NEK5: variants seen among roughly 807,000 people sequenced by gnomAD.
The protein encoded by NEK5 is serine/threonine-protein kinase Nek5.
Under a neutral mutation model 109.2 loss-of-function variants are expected in NEK5, and 88 were observed. That is an observed-to-expected ratio of 0.81 (90% CI 0.68 to 0.96). The LOEUF (loss-of-function observed/expected upper bound fraction) is 0.96. Among genes scored for constraint, NEK5 ranks in the 40% least tolerant of loss-of-function variants. The pLI, the probability that NEK5 is intolerant of heterozygous loss-of-function variation, is 0.00. For missense variants in NEK5, 834 were observed against 920.7 expected (o/e 0.91, Z 1.22); for synonymous variants, 283 against 299.9 (o/e 0.94, Z 0.58).
chr13:52,117,001 C>A (rs1392008447), intron 4 of NEK5, among the ~76,000 whole-genome samples: 2 of 152,092 alleles, frequency 1.3e-5, no homozygotes, highest in South Asian at 4.1e-4. Flanking sequence ...TCACTGCAAC[C>A]TCTGCCTCCC....
At chr13:52,108,428 A>G (rs1451090743) in intron 7 of NEK5, 24 bp from the exon 8 acceptor site, 3 of 1,416,638 alleles carry the variant, frequency 2.1e-6, no homozygotes, top group Non-Finnish European at 3.0e-6. Context: ...TTAAATAATA[A>G]ATCAGCATGA....
rs1955739634 is a variant in NEK5 at position 52,110,594 on chromosome 13, A to C, written c.313-17T>G. 1 of 1,546,730 alleles carries C rather than the reference A, an allele frequency of 6.5e-7. No homozygotes were observed. Among genetic ancestry groups the C allele is most frequent in the East Asian group, 2.3e-5 (1 of 44,266 alleles). On this transcript the variant is annotated splice_polypyrimidine_tract_variant and intron_variant, in intron 5 of 23. Transcript: ENST00000684899. ...ACCGAGGATCTATAGAGAGAACACA[A>C]AACAAAGCCACTGAATAGCCTGGTA...
intron 13 of NEK5, 126 bp from the exon 14 acceptor site, chr13:52,089,439 A>G: frequency 1.6e-6 from 1 of 619,212 alleles, no homozygotes; most frequent in Non-Finnish European, 2.9e-6. Context: ...TCCAAGTTCA[A>G]GAAGTAGTTC....
At chr13:52,118,389 T>C (rs958933060) in intron 4 of NEK5, among the ~76,000 whole-genome samples, 1 of 152,166 alleles carries the variant, frequency 6.6e-6, no homozygotes, top group Admixed American at 6.5e-5. Context: ...TGTCTATCTC[T>C]TCCCACTAGA....
intron 23 of NEK5, among the ~76,000 whole-genome samples, chr13:52,037,711 C>T (rs2140871883): frequency 6.6e-6 from 1 of 152,230 alleles, no homozygotes; most frequent in African/African-American, 2.4e-5. Context: ...ATCACGAGGT[C>T]AGGAGATCGA....
rs1954364945 is a variant in NEK5 at position 52,036,827 on chromosome 13, AATT to A, written c.*118_*120del. The A allele has an allele frequency of 5.6e-6, 2 of 358,144 alleles. No homozygotes were observed. The highest frequency in any genetic ancestry group is 2.3e-4 in the South Asian group (2 of 8,794). The allele number at this position is 358,144 out of a possible 1,614,324, so 22.2% of individuals were successfully genotyped here. On this transcript the variant is annotated 3_prime_UTR_variant, in exon 24 of 24. Coordinates refer to ENST00000684899, the MANE Select transcript of NEK5 (RefSeq NM_001365552.1). Reference sequence around the variant, plus strand: ...GTTCTACTTCCTAAATTGAAAGAAAAATTAATAAATCCTTGAGATTACTAGAAA... The same window carrying A: ...GTTCTACTTCCTAAATTGAAAGAAAAAATAAATCCTTGAGATTACTAGAAA...
At chr13:52,053,289 A>AAAAT (rs948152684) in intron 22 of NEK5, among the ~76,000 whole-genome samples, 4 of 152,208 alleles carry the variant, frequency 2.6e-5, no homozygotes, top group South Asian at 2.1e-4. Context: ...CTCCGTCTCA[A>AAAAT]AAATAAATAA....
chr13:52,126,644 T>C (rs1956068266), intron 3 of NEK5, among the ~76,000 whole-genome samples: 1 of 152,078 alleles, frequency 6.6e-6, no homozygotes, highest in Non-Finnish European at 1.5e-5. Flanking sequence ...CCAGGCATGG[T>C]GGCATGCACC....
intron 16 of NEK5, among the ~76,000 whole-genome samples, chr13:52,084,375 GACCC>G (rs1955075035): frequency 6.6e-6 from 1 of 151,914 alleles, no homozygotes; most frequent in Non-Finnish European, 1.5e-5. Flanking sequence ...TTGCCACCAT[GACCC>G]ACTAATTTTT....
intron 13 of NEK5, among the ~76,000 whole-genome samples, chr13:52,091,499 G>A (rs2137930549): frequency 6.6e-6 from 1 of 152,300 alleles, no homozygotes; most frequent in Admixed American, 6.5e-5. Flanking sequence ...CCCGTTATAT[G>A]TTTCTGAAGA....
intron 20 of NEK5, among the ~76,000 whole-genome samples, chr13:52,068,787 T>A (rs1194564109): frequency 6.6e-6 from 1 of 151,866 alleles, no homozygotes; most frequent in East Asian, 1.9e-4. Context: ...CTGGCAAACA[T>A]GGTGAAACCT....
chr13:52,035,614 G>A lies in NEK5; in HGVS notation c.*1334C>T, dbSNP rs1039397697. On this transcript the variant is annotated 3_prime_UTR_variant, in exon 24 of 24. Coordinates refer to ENST00000684899, the MANE Select transcript of NEK5 (RefSeq NM_001365552.1). Reference sequence around the variant, plus strand: ...ACACCAAACAGCTTACAGTCTTAATGAGGAAATGTTTTAGCATTTATTAAT... The same window carrying A: ...ACACCAAACAGCTTACAGTCTTAATAAGGAAATGTTTTAGCATTTATTAAT... 5.9e-5 allele frequency: 9 copies of A among 152,170 alleles called. No homozygotes were observed. Among genetic ancestry groups the A allele is most frequent in the African/African-American group, 2.2e-4 (9 of 41,448 alleles). The allele number at this position is 152,170 out of a possible 1,614,324, so 9.4% of individuals were successfully genotyped here.
intron 5 of NEK5, among the ~76,000 whole-genome samples, chr13:52,110,818 G>A (rs1955744637): frequency 6.6e-6 from 1 of 152,080 alleles, no homozygotes; most frequent in Non-Finnish European, 1.5e-5. Flanking sequence ...TAAAATCAAG[G>A]GAAATTCCAC....
chr13:52,040,726 T>A (rs998145434), intron 23 of NEK5, among the ~76,000 whole-genome samples: 2 of 152,198 alleles, frequency 1.3e-5, no homozygotes, highest in East Asian at 3.8e-4. Flanking sequence ...AGTGCTTCAG[T>A]GAAAAAATCC....
chr13:52,083,600 G>A (rs752101979), intron 16 of NEK5, among the ~76,000 whole-genome samples: 6 of 151,204 alleles, frequency 4.0e-5, no homozygotes, highest in Non-Finnish European at 8.8e-5. Context: ...GCAGTGGTGC[G>A]ATCTTGGCTC....
At chr13:52,127,980 T>G (rs1956101405) in intron 1 of NEK5, among the ~76,000 whole-genome samples, 1 of 152,056 alleles carries the variant, frequency 6.6e-6, no homozygotes, top group South Asian at 2.1e-4. Context: ...TCCCCAAGAT[T>G]CAGAGGCATG....
chr13:52,113,728 T>C (rs1305429457), intron 4 of NEK5, among the ~76,000 whole-genome samples: 1 of 152,196 alleles, frequency 6.6e-6, no homozygotes, highest in Non-Finnish European at 1.5e-5. Flanking sequence ...AATGTCTTTG[T>C]CTTCCCCAAA....
chr13:52,070,328 C>CAA (rs35172666), intron 20 of NEK5, among the ~76,000 whole-genome samples: 1 of 150,540 alleles, frequency 6.6e-6, no homozygotes, highest in Non-Finnish European at 1.5e-5. Flanking sequence ...AGGTATTATC[C>CAA]AAAAAAAAAT....
rs1180958748 is a variant in NEK5 at position 52,036,964 on chromosome 13, T to G, written c.2483A>C (p.Gln828Pro). ...DEDQGTSTTSQNIQV is the reference protein window; with the variant it reads ...DEDQGTSTTSPNIQV ...GTACAATAATCACACTTGTATATTT[T>G]GACTGGTTGTTGATGTTCCTTGGTC... The change falls in exon 24 of 24, where the codon CAA becomes CCA. Residue 828 changes from glutamine to proline, a missense_variant. Around this residue, in one of 2 missense-constraint regions of NEK5, gnomAD observed 57 missense variants for 96.0 expected, o/e 0.59. Coordinates refer to ENST00000684899, the MANE Select transcript of NEK5 (RefSeq NM_001365552.1). The G allele has an allele frequency of 1.0e-6, 1 of 985,060 alleles. No individual in the cohort carries two copies. Among genetic ancestry groups the G allele is most frequent in the Non-Finnish European group, 1.2e-6 (1 of 829,700 alleles). 61.0% of individuals were successfully genotyped at this position (985,060 alleles called of 1,614,324 possible).
Sources: allele counts gnomAD v4.1 joint callset (sites outside exome capture counted in the v4.1 genomes callset), GRCh38; gene constraint gnomAD v4.1.1; regional missense constraint gnomAD v4.1.1; transcripts MANE v1.5; gene names NCBI Gene and HGNC (gene_info 2026-07-23, HGNC 2026-07-21).